The following MYPN variants were observed in gnomAD, a reference collection of about 807,000 sequenced individuals.
MYPN encodes myopalladin, also known as sarcomeric protein myopalladin, 145 kDa (MYOP).
MYPN carries 63 observed loss-of-function variants against 129.4 expected under a neutral mutation model. The ratio of observed to expected loss-of-function variants is 0.49; its 90% CI spans 0.40 to 0.60. The LOEUF (loss-of-function observed/expected upper bound fraction) is 0.60. Among genes scored for constraint, MYPN ranks in the 20% least tolerant of loss-of-function variants. The pLI is 0.00. For missense variants in MYPN, 1,596 were observed against 1,635.4 expected, an observed-to-expected ratio of 0.98 and a Z score of 0.42; for synonymous variants, 629 against 600.9, an observed-to-expected ratio of 1.05 and a Z score of -0.68.
chr10:68,123,958 T>C (rs188723823), intron 2 of MYPN, among the ~76,000 whole-genome samples: 23 of 152,312 alleles, frequency 1.5e-4, no homozygotes, highest in Middle Eastern at 3.4e-3. Flanking sequence ...AGATTCATTA[T>C]ACATGTATTA....
chr10:68,201,904 G>C lies in MYPN; in HGVS notation c.3569G>C (p.Arg1190Thr), dbSNP rs761506496. 9 of 1,614,166 alleles carry C rather than the reference G, an allele frequency of 5.6e-6. No individual in the cohort carries two copies. Among genetic ancestry groups the C allele is most frequent in the Non-Finnish European group, 5.1e-6 (6 of 1,180,030 alleles). Residue 1190 changes from arginine (R) to threonine (T), a missense_variant, in exon 18 of 20, where the codon AGA becomes ACA. Coordinates refer to ENST00000358913, the MANE Select transcript of MYPN (RefSeq NM_032578.4). Reference sequence around the variant, plus strand: ...GGTGTTCCCGAAGGCCACCCCGTGAGACTGGAGTGCCGCGTGATAGGCATG... The same window carrying C: ...GGTGTTCCCGAAGGCCACCCCGTGACACTGGAGTGCCGCGTGATAGGCATG... ...NCGVPEGHPV[R>T]LECRVIGMPP...
chr10:68,116,593 G>A (rs530250463), intron 1 of MYPN, among the ~76,000 whole-genome samples: 8 of 152,128 alleles, frequency 5.3e-5, no homozygotes, highest in South Asian at 2.1e-4. Flanking sequence ...AAAATTAGCC[G>A]GGCATGGTGG....
In MYPN at chr10:68,210,435, G is replaced by A; in HGVS notation, c.3943G>A (p.Val1315Met). ...GTATTCATGCTCTTCTCGGAGTGTA[G>A]TGGAGAGTGATGAACTTTAAGAATG... Reference protein sequence around the residue: ...MVYSCSSRSVVESDEL With the variant: ...MVYSCSSRSVMESDEL Residue 1315 changes from valine (V) to methionine (M), a missense_variant, in exon 20 of 20, where the codon GTG becomes ATG. Transcript: ENST00000358913. 1 of 1,614,172 alleles carries A rather than the reference G, an allele frequency of 6.2e-7. No homozygotes were observed.
In MYPN at chr10:68,089,333, G is replaced by A. The variant is rs184104696; in HGVS notation, c.-2+1341G>A. On this transcript the variant is annotated intron_variant, in intron 1 of 6. Transcript: ENST00000685154. ...AGGTGTGAGCCACTTTGCCTGGCCTGTTTTTTGTTTATTTGTTTGTTTGTT... is the reference window on the plus strand; with the variant it reads ...AGGTGTGAGCCACTTTGCCTGGCCTATTTTTTGTTTATTTGTTTGTTTGTT... Among the ~76,000 whole-genome samples the A allele has an allele frequency of 4.0e-5, 6 of 151,664 alleles. No homozygotes were observed. In the East Asian group the frequency reaches 1.2e-3, roughly 30 times the overall value.
intron 2 of MYPN, chr10:68,136,660 G>T: frequency 6.5e-7 from 1 of 1,534,658 alleles, no homozygotes; most frequent in South Asian, 1.2e-5. Flanking sequence ...CAGAGAGTTT[G>T]GGCATTTGAA....
chr10:68,197,347 T>C lies in MYPN; in HGVS notation c.3159-5T>C, dbSNP rs753674673. On this transcript the variant is annotated splice_region_variant and splice_polypyrimidine_tract_variant and intron_variant, in intron 15 of 19. Transcript: ENST00000358913. ...TTTAATATCTGAACATGCTTGTTGT[T>C]ATAGGGGAAGATCCCGAGTGCAAGA... 1.5e-5 allele frequency: 25 copies of C among 1,613,012 alleles called. No homozygotes were observed. The highest frequency in any genetic ancestry group is 2.0e-5 in the Non-Finnish European group (24 of 1,179,430).
intron 12 of MYPN, among the ~76,000 whole-genome samples, chr10:68,182,366 TATATAAC>T (rs1451806520): frequency 1.6e-5 from 2 of 121,950 alleles, no homozygotes; most frequent in African/African-American, 5.8e-5. Flanking sequence ...ATAACACATA[TATATAAC>T]ATATATAACA....
At chr10:68,098,611 C>T (rs535277530) in intron 1 of MYPN, among the ~76,000 whole-genome samples, 29 of 151,992 alleles carry the variant, frequency 1.9e-4, no homozygotes, top group South Asian at 6.3e-4. Flanking sequence ...TTTGGGAGGC[C>T]GAGGCGGGCG....
In MYPN at chr10:68,161,627, TGA is replaced by T. The variant is rs2042978176; in HGVS notation, c.1460-100_1460-99del. Reference sequence around the variant, plus strand: ...TCACATAATCTTATTGTATCACTCCTGAGTGTGCAAGAGACTGTGAAATTCTA... The same window carrying T: ...TCACATAATCTTATTGTATCACTCCTGTGTGCAAGAGACTGTGAAATTCTA... On this transcript the variant is annotated intron_variant, in intron 7 of 19. Coordinates refer to ENST00000358913, the MANE Select transcript of MYPN (RefSeq NM_032578.4). 3 of 851,824 alleles carry T rather than the reference TGA, an allele frequency of 3.5e-6. No individual in the cohort carries two copies. The African/African-American group carries it at 5.1e-5, about 14-fold the overall frequency. 52.8% of individuals were successfully genotyped at this position (851,824 alleles called of 1,614,324 possible). A position where few individuals can be genotyped will look rare whatever the true frequency, so the allele number is the denominator to read the frequency against.
chr10:68,162,241 G>A, intron 8 of MYPN: 1 of 151,376 alleles, frequency 6.6e-6, no homozygotes, highest in Non-Finnish European at 1.5e-5. Flanking sequence ...GGGTGCATGT[G>A]CAAATCTGGA....
intron 2 of MYPN, among the ~76,000 whole-genome samples, chr10:68,125,312 G>A (rs548308402): frequency 6.6e-6 from 1 of 152,280 alleles, no homozygotes; most frequent in South Asian, 2.1e-4. Context: ...TTTACTGACA[G>A]CAATCATGCC....
intron 12 of MYPN, among the ~76,000 whole-genome samples, chr10:68,182,908 T>C (rs1265764746): frequency 6.6e-6 from 1 of 152,194 alleles, no homozygotes; most frequent in East Asian, 1.9e-4. Flanking sequence ...AAGTGTGTAT[T>C]TACTATACAC....
At chr10:68,194,938 G>A (rs950303877) in intron 14 of MYPN, among the ~76,000 whole-genome samples, 23 of 152,204 alleles carry the variant, frequency 1.5e-4, no homozygotes, top group Non-Finnish European at 2.5e-4. Context: ...CCACATTTTG[G>A]GATTGTTTTG....
Position 68,150,113 on chromosome 10 carries a change from T to C in MYPN, c.1317+2T>C. On this transcript the variant is annotated splice_donor_variant, in intron 6 of 19. Coordinates refer to ENST00000358913, the MANE Select transcript of MYPN (RefSeq NM_032578.4). LOFTEE classifies it high-confidence loss of function. ...ATTGCAGCTCCTGTGTTTACAAAGG[T>C]AATAAAAATATTACTTCTTTCTGTC... The C allele has an allele frequency of 6.2e-7, 1 of 1,609,638 alleles. No individual in the cohort carries two copies. The highest frequency in any genetic ancestry group is 8.5e-7 in the Non-Finnish European group (1 of 1,176,056).
intron 3 of MYPN, among the ~76,000 whole-genome samples, chr10:68,143,722 C>G (rs1255934802): frequency 6.6e-6 from 1 of 152,022 alleles, no homozygotes; most frequent in Non-Finnish European, 1.5e-5. Flanking sequence ...AAAGACATGA[C>G]ATGATCTTAG....
Position 68,122,251 on chromosome 10 carries a change from CACTCAAAAG to C in MYPN, c.814_822del (p.Thr272_Lys274del). ...AACCTCTGGGGCAACCTCCCCGGTT[CACTCAAAAG>C]TTACGGAGCAGAGAAGTTCCAGAAG... On this transcript the variant is annotated inframe_deletion, in exon 2 of 20. Coordinates refer to ENST00000358913, the MANE Select transcript of MYPN (RefSeq NM_032578.4). 6.2e-7 allele frequency: 1 copy of C among 1,613,562 alleles called. No individual in the cohort carries two copies. Among genetic ancestry groups the C allele is most frequent in the Non-Finnish European group, 8.5e-7 (1 of 1,179,734 alleles).
intron 10 of MYPN, among the ~76,000 whole-genome samples, chr10:68,169,534 C>T (rs550996304): frequency 6.6e-6 from 1 of 152,210 alleles, no homozygotes; most frequent in Non-Finnish European, 1.5e-5. Context: ...TTTATTTTCT[C>T]TCACATAAAG....
rs1336306348 is a variant in MYPN, at chr10:68,182,497, CATAT to C, written c.2704-6399_2704-6396del. 9.1e-5 allele frequency among the ~76,000 whole-genome samples: 12 copies of C among 132,484 alleles called. 1 individual carries two copies. The highest frequency in any genetic ancestry group is 4.0e-3 in the Middle Eastern group (1 of 250). 86.9% of individuals were successfully genotyped at this position (132,484 alleles called of 152,430 possible). A position where few individuals can be genotyped will look rare whatever the true frequency, so the allele number is the denominator to read the frequency against. ...ACACACACACACACACACACACACA[CATAT>C]ATATATATGGCATTTTTTTTTTTGA... On this transcript the variant is annotated intron_variant, in intron 12 of 19. Transcript: ENST00000358913.
chr10:68,155,521 G>A (rs2042857341), intron 6 of MYPN, among the ~76,000 whole-genome samples: 1 of 152,186 alleles, frequency 6.6e-6, no homozygotes, highest in African/African-American at 2.4e-5. Flanking sequence ...CTTAATCTTT[G>A]CTAGTTGGAG....
Sources: gnomAD v4.1 joint callset for allele counts (sites outside exome capture counted in the v4.1 genomes callset) on GRCh38, gnomAD v4.1.1 for gene constraint, MANE v1.5 for transcripts, NCBI Gene and HGNC (gene_info 2026-07-23, HGNC 2026-07-21) for gene names.